C4orf50: variants seen among roughly 807,000 people sequenced by gnomAD.
C4orf50 encodes the protein uncharacterized protein C4orf50.
Under a neutral mutation model 77.2 loss-of-function variants are expected in C4orf50, and 80 were observed. The ratio of observed to expected loss-of-function variants is 1.04; its 90% CI spans 0.87 to 1.25. C4orf50 has a LOEUF of 1.25. Among genes scored for constraint, C4orf50 ranks in the 50% most tolerant of loss-of-function variants. The pLI, the probability that C4orf50 is intolerant of heterozygous loss-of-function variation, is 0.00. For missense variants in C4orf50, 1,257 were observed against 1,152.9 expected (o/e 1.09, Z -1.31); for synonymous variants, 532 against 465.3 (o/e 1.14, Z -1.84).
chr4:5,911,576 A>G (rs1490989728), intron 7 of C4orf50, among the ~76,000 whole-genome samples: 1 of 152,214 alleles, frequency 6.6e-6, no homozygotes, highest in Non-Finnish European at 1.5e-5. Context: ...AGAAAGGCCC[A>G]GCTTGGCCTG....
chr4:5,921,404 C>T (rs1169357679), intron 7 of C4orf50, among the ~76,000 whole-genome samples: 1 of 152,206 alleles, frequency 6.6e-6, no homozygotes, highest in African/African-American at 2.4e-5. Context: ...GATATATATA[C>T]ACACATGCGT....
At chr4:5,995,740 T>A (rs1290088484) in intron 25 of C4orf50, among the ~76,000 whole-genome samples, 2 of 152,208 alleles carry the variant, frequency 1.3e-5, no homozygotes, top group East Asian at 1.9e-4. Flanking sequence ...AAATGTTTCA[T>A]CATTGGGTGG....
chr4:5,932,057 C>G lies in C4orf50; in HGVS notation c.*2474+24844G>C, dbSNP rs972462544. On this transcript the variant is annotated intron_variant, in intron 7 of 7. Transcript: ENST00000324058. The surrounding 1 kb of genome is among the most constrained non-coding windows in gnomAD (Gnocchi z 4.2). ...AGCTCTTCCCAACGCCCCCCCGCCCCCCACCCCTGCCAACTGTCTCTAATT... is the reference window on the plus strand; with the variant it reads ...AGCTCTTCCCAACGCCCCCCCGCCCGCCACCCCTGCCAACTGTCTCTAATT... Among the ~76,000 whole-genome samples, 1 of 127,678 alleles carries G rather than the reference C, an allele frequency of 7.8e-6. No individual in the cohort carries two copies. The highest frequency in any genetic ancestry group is 2.9e-5 in the African/African-American group (1 of 34,704). 83.8% of individuals were successfully genotyped at this position (127,678 alleles called of 152,430 possible).
Position 5,975,962 on chromosome 4 carries a change from TA to T in C4orf50, c.3865-8del. Reference sequence around the variant, plus strand: ...TTTTCTGAAGTTCTTCAAGCTGAAATAAAAGCGACATTTTTGACAACACTGC... The same window carrying T: ...TTTTCTGAAGTTCTTCAAGCTGAAATAAAGCGACATTTTTGACAACACTGC... On this transcript the variant is annotated splice_polypyrimidine_tract_variant and splice_region_variant and intron_variant, in intron 29 of 33. Coordinates refer to ENST00000531445, the Ensembl canonical transcript of C4orf50. 6.2e-7 allele frequency: 1 copy of T among 1,613,214 alleles called. No homozygotes were observed. Among genetic ancestry groups the T allele is most frequent in the Non-Finnish European group, 8.5e-7 (1 of 1,179,168 alleles).
chr4:5,987,226 C>T (rs1042391827), intron 28 of C4orf50, among the ~76,000 whole-genome samples: 2 of 151,788 alleles, frequency 1.3e-5, no homozygotes, highest in African/African-American at 4.8e-5. Flanking sequence ...GCCTGGGCAA[C>T]ATGGGGAAAC....
At chr4:5,987,759 C>T (rs1720959439) in intron 28 of C4orf50, among the ~76,000 whole-genome samples, 2 of 152,098 alleles carry the variant, frequency 1.3e-5, no homozygotes, top group African/African-American at 4.8e-5. Flanking sequence ...ATATCCTACA[C>T]ATGGTGAAGG....
chr4:5,996,499 C>T (rs2108797639), intron 25 of C4orf50, among the ~76,000 whole-genome samples: 1 of 152,008 alleles, frequency 6.6e-6, no homozygotes, highest in South Asian at 2.1e-4. Context: ...CTTCTCCCCG[C>T]ACCTCAGAGC....
In C4orf50 at chr4:5,989,792, G is replaced by A. The variant is rs963038234; in HGVS notation, c.2254C>T (p.Gln752Ter). The A allele has an allele frequency of 5.3e-6, 8 of 1,516,798 alleles. No homozygotes were observed. The Admixed American group carries it at 1.4e-4, about 26-fold the overall frequency. 94.0% of individuals were successfully genotyped at this position (1,516,798 alleles called of 1,614,324 possible). A position where few individuals can be genotyped will look rare whatever the true frequency, so the allele number is the denominator to read the frequency against. ...AGCATTTCCTTGCTCTCATGTTCCTGGGAGTCAGGCTCCTCGGGGGCACCC... is the reference window on the plus strand; with the variant it reads ...AGCATTTCCTTGCTCTCATGTTCCTAGGAGTCAGGCTCCTCGGGGGCACCC... Residue 752 changes from glutamine to a stop codon, truncating the protein, a stop_gained, in exon 28 of 34, where the codon CAG becomes TAG. Transcript: ENST00000531445. LOFTEE classifies it high-confidence loss of function.
chr4:5,945,103 G>C (rs984967648), intron 7 of C4orf50, among the ~76,000 whole-genome samples: 6 of 152,186 alleles, frequency 3.9e-5, no homozygotes, highest in Non-Finnish European at 5.9e-5. Context: ...GAGCGTGCAT[G>C]GGGAGGTGCC....
chr4:5,942,817 T>C (rs538345828), intron 7 of C4orf50, among the ~76,000 whole-genome samples: 6 of 152,230 alleles, frequency 3.9e-5, no homozygotes, highest in Non-Finnish European at 8.8e-5. Flanking sequence ...GAATGAGAAA[T>C]GCTTTAAATA....
chr4:5,935,263 G>A (rs956008243), intron 7 of C4orf50, among the ~76,000 whole-genome samples: 15 of 152,218 alleles, frequency 9.9e-5, no homozygotes, highest in African/African-American at 3.6e-4. Flanking sequence ...CGCAGACAGA[G>A]TCAGGGAGCT....
chr4:5,906,753 T>C (rs988488695), intron 7 of C4orf50, among the ~76,000 whole-genome samples: 1 of 152,214 alleles, frequency 6.6e-6, no homozygotes, highest in African/African-American at 2.4e-5. Flanking sequence ...AGGGCATTGT[T>C]CGTGTAGGTG....
chr4:6,013,799 C>G (rs115713941), intron 23 of C4orf50, among the ~76,000 whole-genome samples: 65 of 152,220 alleles, frequency 4.3e-4, no homozygotes, highest in African/African-American at 1.6e-3. Context: ...CCTCCAGCCT[C>G]GGAGAGGGCT....
At chr4:5,972,297 C>T (rs1719974897) in intron 31 of C4orf50, among the ~76,000 whole-genome samples, 1 of 152,176 alleles carries the variant, frequency 6.6e-6, no homozygotes. Flanking sequence ...GCCACCGCGC[C>T]CGGCCTGCTT....
intron 32 of C4orf50, among the ~76,000 whole-genome samples, chr4:5,965,631 C>T (rs966682676): frequency 1.3e-5 from 2 of 152,188 alleles, no homozygotes; most frequent in African/African-American, 4.8e-5. Flanking sequence ...GTGACAGAAG[C>T]AGACCAGCTA....
At chr4:5,938,469 C>T (rs781064478) in intron 7 of C4orf50, among the ~76,000 whole-genome samples, 5 of 152,114 alleles carry the variant, frequency 3.3e-5, no homozygotes, top group Non-Finnish European at 2.9e-5. Flanking sequence ...GCGGGAGGGG[C>T]CCTCTGATCT....
At chr4:5,976,084 C>A (rs1720264304) in intron 29 of C4orf50, 129 bp from the exon 8 acceptor site, 2 of 706,454 alleles carry the variant, frequency 2.8e-6, no homozygotes, top group East Asian at 5.3e-5. Flanking sequence ...GGACTCAGTG[C>A]CAGGAACAGG....
intron 26 of C4orf50, among the ~76,000 whole-genome samples, chr4:5,993,857 TAAA>T (rs10708646): frequency 0.16 from 22,756 of 144,370 alleles, 1,912 homozygotes; most frequent in Non-Finnish European, 0.2. Flanking sequence ...TAAAAATAAA[TAAA>T]AAAAAAAAAG....
intron 7 of C4orf50, among the ~76,000 whole-genome samples, chr4:5,936,996 T>G (rs1718055039): frequency 6.6e-6 from 1 of 151,622 alleles, no homozygotes; most frequent in Non-Finnish European, 1.5e-5. Context: ...GAATCTAGAA[T>G]TCTATATGAA....
Sources: gnomAD v4.1 joint callset for allele counts (sites outside exome capture counted in the v4.1 genomes callset) on GRCh38, gnomAD v4.1.1 for gene constraint, Gnocchi (gnomAD v3.1) non-coding constraint, MANE v1.5 for transcripts, NCBI Gene and HGNC (gene_info 2026-07-23, HGNC 2026-07-21) for gene names.